TATDN1: variants seen among roughly 807,000 people sequenced by gnomAD.
TATDN1 encodes deoxyribonuclease TATDN1.
TATDN1 carries 40 observed loss-of-function variants against 46.4 expected under a neutral mutation model. The observed-to-expected ratio is 0.86, with a 90% confidence interval of 0.67 to 1.12. The LOEUF (loss-of-function observed/expected upper bound fraction) is 1.12, where lower values mean the gene tolerates loss of function less well. Ranked by LOEUF, TATDN1 falls within the 50% of genes most tolerant of loss-of-function variation. The pLI is 0.00. For synonymous variants in TATDN1, 95 were observed against 105.6 expected (o/e 0.90, Z 0.62); for missense variants, 326 against 348.4 (o/e 0.94, Z 0.51).
intron 9 of TATDN1, among the ~76,000 whole-genome samples, chr8:124,497,896 T>C (rs1442088287): frequency 6.6e-6 from 1 of 152,220 alleles, no homozygotes; most frequent in African/African-American, 2.4e-5. Context: ...AAAAAATATG[T>C]ATCTTTCTGT....
intron 6 of TATDN1, among the ~76,000 whole-genome samples, chr8:124,513,895 T>C (rs1344349675): frequency 1.3e-5 from 2 of 152,216 alleles, no homozygotes; most frequent in Non-Finnish European, 2.9e-5. Flanking sequence ...ACTGTTTTTC[T>C]ATTTCAATGT....
chr8:124,526,774 G>C (rs1820537255), intron 1 of TATDN1: 1 of 152,200 alleles, frequency 6.6e-6, no homozygotes, highest in Admixed American at 6.5e-5. Context: ...TTAAGTTGAA[G>C]CCTCAGTTAT....
intron 9 of TATDN1, among the ~76,000 whole-genome samples, chr8:124,503,477 T>C (rs1224701187): frequency 6.6e-6 from 1 of 152,230 alleles, no homozygotes; most frequent in Non-Finnish European, 1.5e-5. Flanking sequence ...TTAATTTAAA[T>C]ATGAAAGCAT....
chr8:124,505,758 G>A (rs1471210502), intron 8 of TATDN1, among the ~76,000 whole-genome samples: 2 of 151,910 alleles, frequency 1.3e-5, no homozygotes, highest in African/African-American at 4.8e-5. Context: ...ACTGAGTCCA[G>A]AGAGCCTGAA....
At chr8:124,501,603 T>C (rs568625585) in intron 9 of TATDN1, among the ~76,000 whole-genome samples, 4 of 152,070 alleles carry the variant, frequency 2.6e-5, no homozygotes, top group South Asian at 4.1e-4. Flanking sequence ...AGTATAAAAA[T>C]AGAGTATTCA....
chr8:124,521,999 T>C (rs1371693794), intron 3 of TATDN1, 152 bp downstream of exon 3: 3 of 558,938 alleles, frequency 5.4e-6, no homozygotes, highest in Non-Finnish European at 9.4e-6. Flanking sequence ...TATTTTGATA[T>C]TTTGTTTCAA....
chr8:124,495,848 G>A (rs111445693), intron 9 of TATDN1, among the ~76,000 whole-genome samples: 73 of 152,288 alleles, frequency 4.8e-4, no homozygotes, highest in African/African-American at 1.5e-3. Flanking sequence ...AGTAATTTGC[G>A]TAACTTAGAG....
chr8:124,495,505 A>C lies in TATDN1; in HGVS notation c.631T>G (p.Ser211Ala), dbSNP rs1817387152. 6.2e-7 allele frequency: 1 copy of C among 1,606,998 alleles called. No homozygotes were observed. The highest frequency in any genetic ancestry group is 8.5e-7 in the Non-Finnish European group (1 of 1,178,098). ...ATCATTAATTTTTCACTAGGAATTG[A>C]CTTCAAAACTTCCAAATTAGCTTCA... Reference protein sequence around the residue: ...KTEANLEVLKSIPSEKLMIET... With the variant: ...KTEANLEVLKAIPSEKLMIET... Residue 211 changes from serine (S) to alanine (A), a missense_variant, in exon 10 of 12, where the codon TCA becomes GCA. Physicochemically the swap from Ser to Ala is moderately conservative, Grantham distance 99. Transcript: ENST00000276692.
At chr8:124,536,929 G>A (rs113904071) in intron 1 of TATDN1, among the ~76,000 whole-genome samples, 148 of 151,762 alleles carry the variant, frequency 9.8e-4, no homozygotes, top group African/African-American at 3.4e-3. Flanking sequence ...TTGATATGTT[G>A]TATTTTTATG....
At chr8:124,495,636 C>G in intron 9 of TATDN1, 94 bp from the exon 10 acceptor site, 1 of 906,966 alleles carries the variant, frequency 1.1e-6, no homozygotes, top group South Asian at 1.6e-5. Context: ...AAAACCAACC[C>G]AAAACCCTAT....
chr8:124,494,260 TAA>T (rs1817269009), intron 10 of TATDN1: 1 of 186,370 alleles, frequency 5.4e-6, no homozygotes, highest in Non-Finnish European at 1.1e-5. Flanking sequence ...ACATTTAAGT[TAA>T]ACAGTTTTTT....
intron 1 of TATDN1, 44 bp downstream of exon 1, chr8:124,538,981 G>A (rs756735126): frequency 6.2e-7 from 1 of 1,613,212 alleles, no homozygotes; most frequent in Non-Finnish European, 8.5e-7. Context: ...CGACGCCCGG[G>A]ACAAGTCAGA....
chr8:124,517,049 G>A (rs1456904505), intron 4 of TATDN1, among the ~76,000 whole-genome samples: 2 of 152,178 alleles, frequency 1.3e-5, no homozygotes, highest in Non-Finnish European at 2.9e-5. Flanking sequence ...AAAAAGCATA[G>A]CTGTTTGGGG....
At chr8:124,503,435 C>A (rs1324044792) in intron 9 of TATDN1, among the ~76,000 whole-genome samples, 1 of 152,082 alleles carries the variant, frequency 6.6e-6, no homozygotes, top group Non-Finnish European at 1.5e-5. Flanking sequence ...TATTCCCTTG[C>A]ATATTAATTA....
chr8:124,515,139 G>A lies in TATDN1; in HGVS notation c.389+607C>T, dbSNP rs188298349. 1.6e-4 allele frequency among the ~76,000 whole-genome samples: 25 copies of A among 152,248 alleles called. No homozygotes were observed. In the East Asian group the frequency reaches 4.6e-3, roughly 28 times the overall value. ...GCTCTTAAATTATATCTCCCAATTT[G>A]GGAGGCCGAGGCGGGTGGATCATTT... On this transcript the variant is annotated intron_variant, in intron 6 of 11. Transcript: ENST00000276692.
chr8:124,501,486 C>T (rs1008437726), intron 9 of TATDN1, among the ~76,000 whole-genome samples: 6 of 150,976 alleles, frequency 4.0e-5, no homozygotes, highest in Admixed American at 4.0e-4. Context: ...ATCACAGAGA[C>T]CAAAGGAAAG....
chr8:124,524,655 A>T (rs1327307858), intron 1 of TATDN1, among the ~76,000 whole-genome samples: 1 of 152,210 alleles, frequency 6.6e-6, no homozygotes, highest in Admixed American at 6.5e-5. Context: ...AAAGACTCTG[A>T]GGAAGCCTTT....
At chr8:124,493,518 A>T (rs997599544) in intron 11 of TATDN1, among the ~76,000 whole-genome samples, 1 of 152,352 alleles carries the variant, frequency 6.6e-6, no homozygotes, top group South Asian at 2.1e-4. Context: ...TTTGTCCTTA[A>T]GATCACTTAT....
intron 8 of TATDN1, among the ~76,000 whole-genome samples, chr8:124,508,270 C>T (rs373259287): frequency 1.1e-3 from 170 of 152,278 alleles, no homozygotes; most frequent in African/African-American, 3.9e-3. Flanking sequence ...CACCTTATAC[C>T]ACACCCTGAA....
Sources: gnomAD v4.1 joint callset for allele counts (sites outside exome capture counted in the v4.1 genomes callset) on GRCh38, gnomAD v4.1.1 for gene constraint, MANE v1.5 for transcripts, NCBI Gene and HGNC (gene_info 2026-07-23, HGNC 2026-07-21) for gene names.